The following ARHGAP24 variants were observed in gnomAD, a reference collection of about 807,000 sequenced individuals.
ARHGAP24 encodes the protein rho GTPase-activating protein 24.
A neutral mutation model predicts 76.4 loss-of-function variants in ARHGAP24; 50 were observed. The observed-to-expected ratio is 0.65, with a 90% CI of 0.52 to 0.83. The LOEUF is 0.83. Among genes scored for constraint, ARHGAP24 ranks in the 40% least tolerant of loss-of-function variants. ARHGAP24 has a pLI of 0.00. For missense variants in ARHGAP24, 930 were observed against 914.2 expected (o/e 1.02, Z -0.22); for synonymous variants, 345 against 323.3 (o/e 1.07, Z -0.72).
At chr4:85,868,765 A>G (rs1732353881) in intron 3 of ARHGAP24, among the ~76,000 whole-genome samples, 1 of 152,118 alleles carries the variant, frequency 6.6e-6, no homozygotes. Flanking sequence ...TCTCTACACT[A>G]TCTTTGAAAT....
At chr4:85,659,412 A>G (rs1278300956) in intron 2 of ARHGAP24, among the ~76,000 whole-genome samples, 1 of 152,244 alleles carries the variant, frequency 6.6e-6, no homozygotes, top group African/African-American at 2.4e-5. Context: ...CTGTTGTTAA[A>G]TTAATGTTTA....
intron 5 of ARHGAP24, among the ~76,000 whole-genome samples, chr4:85,966,441 T>C (rs950764627): frequency 6.6e-5 from 10 of 152,210 alleles, no homozygotes; most frequent in South Asian, 2.1e-4. Flanking sequence ...GTTTTGTATA[T>C]AATTCAGTGG....
chr4:85,826,825 T>TA (rs1281787414), intron 3 of ARHGAP24, among the ~76,000 whole-genome samples: 4 of 152,120 alleles, frequency 2.6e-5, no homozygotes, highest in Non-Finnish European at 5.9e-5. Flanking sequence ...AGAAGGAGGT[T>TA]AAAAAAATTG....
chr4:85,679,717 G>A (rs115118984), intron 2 of ARHGAP24, among the ~76,000 whole-genome samples: 186 of 152,198 alleles, frequency 1.2e-3, no homozygotes, highest in African/African-American at 4.4e-3. Flanking sequence ...GGATGGAGTG[G>A]GAAATGCTGC....
chr4:85,997,586 T>C (rs989219457), intron 9 of ARHGAP24, among the ~76,000 whole-genome samples: 24 of 152,080 alleles, frequency 1.6e-4, no homozygotes, highest in African/African-American at 5.6e-4. Flanking sequence ...GATATATGGT[T>C]TTTAGTTTTG....
intron 4 of ARHGAP24, among the ~76,000 whole-genome samples, chr4:85,931,644 G>A (rs982711400): frequency 1.3e-5 from 2 of 152,158 alleles, no homozygotes; most frequent in African/African-American, 4.8e-5. Context: ...ATCAGGAACA[G>A]GGGTGAGAAC....
chr4:85,753,807 G>A (rs936731073), intron 3 of ARHGAP24, among the ~76,000 whole-genome samples: 3 of 152,084 alleles, frequency 2.0e-5, no homozygotes, highest in African/African-American at 7.2e-5. Context: ...TTTTGGGGGT[G>A]CATGGGATAT....
chr4:85,942,240 C>T lies in ARHGAP24; in HGVS notation c.566C>T (p.Ala189Val). ...AATCTTGTTAAGGAGCTCCAAGATG[C>T]CTTTGACTGTGGGGAGAAGCCATCA... ...QANLVKELQD[A>V]FDCGEKPSFD... The change falls in exon 5 of 10, where the codon GCC (alanine) becomes GTC (valine). Residue 189 changes from alanine (A) to valine (V), a missense_variant. Physicochemically the swap from Ala to Val is moderately conservative, Grantham distance 64. Coordinates refer to ENST00000395184, the MANE Select transcript of ARHGAP24 (RefSeq NM_001025616.3). 1 of 1,614,008 alleles carries T rather than the reference C, an allele frequency of 6.2e-7. No homozygotes were observed. Among genetic ancestry groups the T allele is most frequent in the South Asian group, 1.1e-5 (1 of 91,080 alleles).
chr4:85,929,846 G>A (rs532703442), intron 4 of ARHGAP24, among the ~76,000 whole-genome samples: 3 of 152,320 alleles, frequency 2.0e-5, no homozygotes, highest in East Asian at 1.9e-4. Flanking sequence ...TATGGGAGGG[G>A]AATAAATGCA....
chr4:85,712,037 T>C (rs1307269185), intron 2 of ARHGAP24, among the ~76,000 whole-genome samples: 1 of 152,204 alleles, frequency 6.6e-6, no homozygotes, highest in Non-Finnish European at 1.5e-5. Flanking sequence ...CTTTTTATCT[T>C]ATTGCCATAG....
chr4:85,607,809 A>G (rs949518303), intron 2 of ARHGAP24, among the ~76,000 whole-genome samples: 3 of 146,612 alleles, frequency 2.0e-5, no homozygotes, highest in African/African-American at 2.5e-5. Context: ...CGCCGTGCCA[A>G]CTTTCTCAGG....
chr4:85,633,129 G>T lies in ARHGAP24; in HGVS notation c.180+62408G>T, dbSNP rs147434444. 4.6e-3 allele frequency among the ~76,000 whole-genome samples: 705 copies of T among 151,796 alleles called. 19 individuals are homozygous for T. Among genetic ancestry groups the T allele is most frequent in the Admixed American group, 0.04 (615 of 15,210 alleles). ...CCAGGCTGCTCATATGAAAATCTTG[G>T]CACCTCTCATATTAACAGTTCATCT... On this transcript the variant is annotated intron_variant, in intron 2 of 9. Transcript: ENST00000395184.
intron 3 of ARHGAP24, among the ~76,000 whole-genome samples, chr4:85,852,321 C>T (rs1322500844): frequency 6.6e-6 from 1 of 152,180 alleles, no homozygotes; most frequent in Non-Finnish European, 1.5e-5. Flanking sequence ...GTTTTCTCTA[C>T]ACTGGTTACT....
At chr4:85,627,474 T>C (rs550414242) in intron 2 of ARHGAP24, among the ~76,000 whole-genome samples, 1 of 152,292 alleles carries the variant, frequency 6.6e-6, no homozygotes, top group East Asian at 1.9e-4. Flanking sequence ...GAGGTGTCAG[T>C]CTGCACCTAC....
rs144642058 is a variant in ARHGAP24, at chr4:85,582,988, T to C, written c.180+12267T>C. Among the ~76,000 whole-genome samples, 362 of 152,270 alleles carry C rather than the reference T, an allele frequency of 2.4e-3. 1 individual carries two copies. Among genetic ancestry groups the C allele is most frequent in the African/African-American group, 8.3e-3 (347 of 41,568 alleles). On this transcript the variant is annotated intron_variant, in intron 2 of 9. Coordinates refer to ENST00000395184, the MANE Select transcript of ARHGAP24 (RefSeq NM_001025616.3). ...ATTCTGGATTGAGAAACAGGAGTTG[T>C]GCGGTGCTTCCCTGGGGACTTACAT... is the stretch of plus-strand genomic sequence containing the variant.
chr4:85,804,217 A>G (rs1474188429), intron 3 of ARHGAP24, among the ~76,000 whole-genome samples: 3 of 152,222 alleles, frequency 2.0e-5, no homozygotes, highest in African/African-American at 7.2e-5. Flanking sequence ...AATGAGCAGT[A>G]TAATGAACAT....
chr4:85,814,160 G>A (rs148967399), intron 3 of ARHGAP24, among the ~76,000 whole-genome samples: 1 of 151,986 alleles, frequency 6.6e-6, no homozygotes, highest in Non-Finnish European at 1.5e-5. Flanking sequence ...CAACATGTGG[G>A]AATTATGGGA....
At chr4:85,917,148 T>G (rs1578385112) in intron 3 of ARHGAP24, among the ~76,000 whole-genome samples, 1 of 151,962 alleles carries the variant, frequency 6.6e-6, no homozygotes, top group South Asian at 2.1e-4. Context: ...CACCTATGAG[T>G]GAGAACATGC....
chr4:85,623,807 A>AG (rs1553918467), intron 2 of ARHGAP24, among the ~76,000 whole-genome samples: 1 of 151,490 alleles, frequency 6.6e-6, no homozygotes, highest in Non-Finnish European at 1.5e-5. Flanking sequence ...GGTCCTTCAC[A>AG]TCCTTTGTAA....
Sources: allele counts gnomAD v4.1 joint callset (sites outside exome capture counted in the v4.1 genomes callset), GRCh38; gene constraint gnomAD v4.1.1; transcripts MANE v1.5; gene names NCBI Gene and HGNC (gene_info 2026-07-23, HGNC 2026-07-21).